DIAPH2: variants seen among roughly 807,000 people sequenced by gnomAD.
DIAPH2 encodes the protein protein diaphanous homolog 2.
In DIAPH2, 35 loss-of-function variants were observed where a neutral mutation model predicts 92.7. The observed-to-expected ratio is 0.38, with a 90% CI of 0.29 to 0.50. The LOEUF is 0.50. Among genes scored for constraint, DIAPH2 ranks in the 20% least tolerant of loss-of-function variants. DIAPH2 has a pLI of 0.94. For synonymous variants in DIAPH2, 301 were observed against 280.4 expected, an observed-to-expected ratio of 1.07 and a Z score of -0.73; for missense variants, 701 against 819.5, an observed-to-expected ratio of 0.86 and a Z score of 1.77.
chrX:97,524,819 T>C (rs1425616252), intron 26 of DIAPH2, among the ~76,000 whole-genome samples: 2 of 112,253 alleles, frequency 1.8e-5, no homozygotes, highest in East Asian at 5.6e-4. Context: ...AGAATCTTTC[T>C]GTGTGATTTC....
intron 23 of DIAPH2, among the ~76,000 whole-genome samples, chrX:97,288,823 C>T (rs2068567305): frequency 9.0e-6 from 1 of 110,694 alleles, no homozygotes; most frequent in Non-Finnish European, 1.9e-5. Context: ...ACTGGTTAAG[C>T]TCCTCATTTG....
At chrX:96,951,152 C>T (rs1427008090) in intron 15 of DIAPH2, among the ~76,000 whole-genome samples, 1 of 110,298 alleles carries the variant, frequency 9.1e-6, no homozygotes, top group African/African-American at 3.3e-5. Flanking sequence ...CCCTTTATCT[C>T]AGAGCACCCT....
chrX:97,048,242 AATCTCC>A (rs1375633689), intron 17 of DIAPH2, among the ~76,000 whole-genome samples: 2 of 110,286 alleles, frequency 1.8e-5, no homozygotes, highest in Non-Finnish European at 3.8e-5. Context: ...CTTTCCTTCC[AATCTCC>A]ATCTCCATCT....
At chrX:96,698,055 T>C (rs2063834830) in intron 1 of DIAPH2, among the ~76,000 whole-genome samples, 1 of 111,760 alleles carries the variant, frequency 8.9e-6, no homozygotes, top group African/African-American at 3.3e-5. Flanking sequence ...AATACCTGTC[T>C]AGCAGTCTGG....
At position 97,599,471 on chromosome X, in the gene DIAPH2, T is replaced by C; in HGVS notation, c.*154T>C. The C allele has an allele frequency of 3.0e-6, 1 of 330,567 alleles. No homozygotes were observed. Among genetic ancestry groups the C allele is most frequent in the Admixed American group, 4.8e-5 (1 of 20,936 alleles). 27.2% of individuals were successfully genotyped at this position (330,567 alleles called of 1,213,427 possible). ...ATGAAGTAGTGTGCATTTGTAATAC[T>C]ATTGCAAGACTCCTCCCACAATTAT... On this transcript the variant is annotated 3_prime_UTR_variant, in exon 27 of 27. Coordinates refer to ENST00000324765, the MANE Select transcript of DIAPH2 (RefSeq NM_006729.5).
chrX:97,196,241 C>CACAT lies in DIAPH2; in HGVS notation c.2720-51473_2720-51470dup, dbSNP rs971228687. Among the ~76,000 whole-genome samples, 12 of 109,942 alleles carry CACAT rather than the reference C, an allele frequency of 1.1e-4. No individual in the cohort carries two copies. The East Asian group carries it at 3.4e-3, about 32-fold the overall frequency. ...ACATACACACACACACACACACACA[C>CACAT]ACATGCACATACGTGTGTATAGTTT... is the stretch of plus-strand genomic sequence containing the variant. On this transcript the variant is annotated intron_variant, in intron 22 of 26. Transcript: ENST00000324765.
At chrX:97,084,295 G>A (rs1035207951) in intron 19 of DIAPH2, among the ~76,000 whole-genome samples, 4 of 110,919 alleles carry the variant, frequency 3.6e-5, no homozygotes, top group African/African-American at 9.8e-5. Context: ...TTTATTGAAC[G>A]GATCAAATTA....
intron 4 of DIAPH2, among the ~76,000 whole-genome samples, chrX:96,836,525 C>T (rs1602551092): frequency 9.5e-6 from 1 of 105,500 alleles, no homozygotes; most frequent in East Asian, 2.9e-4. Flanking sequence ...TTCTTCCTTC[C>T]TCTGATAGGC....
At chrX:97,524,449 C>T (rs889233760) in intron 26 of DIAPH2, among the ~76,000 whole-genome samples, 2 of 112,058 alleles carry the variant, frequency 1.8e-5, no homozygotes, top group African/African-American at 3.2e-5. Flanking sequence ...GTCCATGTGC[C>T]TTTATATTTT....
chrX:96,867,882 C>G (rs1021954635), intron 4 of DIAPH2, among the ~76,000 whole-genome samples: 1 of 111,760 alleles, frequency 8.9e-6, no homozygotes, highest in African/African-American at 3.3e-5. Flanking sequence ...TTTAATTATA[C>G]TGTTTAACTA....
chrX:97,279,575 C>CT (rs1019086809), intron 23 of DIAPH2, among the ~76,000 whole-genome samples: 100 of 104,855 alleles, frequency 9.5e-4, no homozygotes, highest in African/African-American at 2.9e-3. Context: ...AAACATGAAT[C>CT]TTTTTTTTTT....
chrX:96,849,826 C>T (rs746909931), intron 4 of DIAPH2, among the ~76,000 whole-genome samples: 28 of 111,971 alleles, frequency 2.5e-4, no homozygotes, highest in Non-Finnish European at 4.3e-4. Flanking sequence ...TCTGTTCACT[C>T]AGAACAAACA....
At chrX:96,929,582 T>C (rs993741256) in intron 9 of DIAPH2, among the ~76,000 whole-genome samples, 2 of 111,160 alleles carry the variant, frequency 1.8e-5, no homozygotes, top group African/African-American at 6.5e-5. Flanking sequence ...TACCTTTTAA[T>C]CTCTTCTCCC....
chrX:97,354,860 G>A (rs2069250304), intron 24 of DIAPH2, among the ~76,000 whole-genome samples: 1 of 112,446 alleles, frequency 8.9e-6, no homozygotes, highest in Non-Finnish European at 1.9e-5. Flanking sequence ...AAGTTCCTAA[G>A]AGGAACTGTG....
At chrX:96,687,532 C>T (rs916381035) in intron 1 of DIAPH2, among the ~76,000 whole-genome samples, 11 of 109,640 alleles carry the variant, frequency 1.0e-4, no homozygotes, top group Middle Eastern at 9.4e-3. Flanking sequence ...CTCTGCCTCC[C>T]GGGTTCAAGT....
At chrX:97,466,059 A>G (rs2070509741) in intron 26 of DIAPH2, among the ~76,000 whole-genome samples, 2 of 112,056 alleles carry the variant, frequency 1.8e-5, no homozygotes, top group Admixed American at 9.5e-5. Context: ...GAAATTCAGT[A>G]TAATTTCTTC....
chrX:97,028,877 G>A (rs781066120), intron 17 of DIAPH2, among the ~76,000 whole-genome samples: 1 of 111,664 alleles, frequency 9.0e-6, no homozygotes, highest in African/African-American at 3.3e-5. Flanking sequence ...TTAACATTCT[G>A]AGGAACTGTC....
intron 26 of DIAPH2, among the ~76,000 whole-genome samples, chrX:97,477,626 C>A (rs199646483): frequency 3.4e-5 from 3 of 87,594 alleles, no homozygotes; most frequent in Non-Finnish European, 7.1e-5. Flanking sequence ...ATCTATCTAT[C>A]TATATATATA....
At chrX:97,517,576 A>C (rs949039861) in intron 26 of DIAPH2, among the ~76,000 whole-genome samples, 1 of 112,263 alleles carries the variant, frequency 8.9e-6, no homozygotes, top group Non-Finnish European at 1.9e-5. Flanking sequence ...GGTGAAATAC[A>C]ATAGCATTTT....
Sources: gnomAD v4.1 joint callset for allele counts (sites outside exome capture counted in the v4.1 genomes callset) on GRCh38, gnomAD v4.1.1 for gene constraint, MANE v1.5 for transcripts, NCBI Gene and HGNC (gene_info 2026-07-23, HGNC 2026-07-21) for gene names.